Variants in PTPRQ observed in about 807,000 individuals in gnomAD.
PTPRQ encodes phosphatidylinositol phosphatase PTPRQ.
A neutral mutation model predicts 246.0 loss-of-function variants in PTPRQ; 199 were observed. The observed-to-expected ratio is 0.81, with a 90% CI of 0.72 to 0.91. The LOEUF (loss-of-function observed/expected upper bound fraction) is 0.91. PTPRQ is among the 40% of genes least tolerant of loss of function. The pLI, the probability that PTPRQ is intolerant of heterozygous loss-of-function variation, is 0.00. For missense variants in PTPRQ, 2,624 were observed against 2,528.4 expected, an observed-to-expected ratio of 1.04 and a Z score of -0.81; for synonymous variants, 869 against 853.2, an observed-to-expected ratio of 1.02 and a Z score of -0.32.
intron 17 of PTPRQ, among the ~76,000 whole-genome samples, chr12:80,526,539 T>C (rs1565765228): frequency 6.6e-6 from 1 of 152,064 alleles, no homozygotes; most frequent in Non-Finnish European, 1.5e-5. Context: ...TTCTGCTTGA[T>C]CAAAGGCCAA....
At chr12:80,672,573 G>A (rs140650732) in intron 42 of PTPRQ, among the ~76,000 whole-genome samples, 67 of 151,908 alleles carry the variant, frequency 4.4e-4, no homozygotes, top group African/African-American at 1.4e-3. Flanking sequence ...AGGAATTTCC[G>A]AATCAATCTT....
intron 33 of PTPRQ, among the ~76,000 whole-genome samples, chr12:80,625,489 T>TGTTTCCAC (rs770263177): frequency 4.1e-4 from 62 of 152,208 alleles, no homozygotes; most frequent in Non-Finnish European, 5.6e-4. Flanking sequence ...TGCACGACTC[T>TGTTTCCAC]GTTTCCACAG....
At chr12:80,666,939 C>T (rs952335604) in intron 39 of PTPRQ, among the ~76,000 whole-genome samples, 4 of 151,974 alleles carry the variant, frequency 2.6e-5, no homozygotes, top group African/African-American at 9.7e-5. Context: ...TATTCTCCCT[C>T]CTTTCACCTT....
intron 26 of PTPRQ, among the ~76,000 whole-genome samples, chr12:80,592,827 TG>T (rs1897845251): frequency 6.6e-6 from 1 of 152,070 alleles, no homozygotes; most frequent in Non-Finnish European, 1.5e-5. Flanking sequence ...CTTTCCAACA[TG>T]GTGAAACCCT....
chr12:80,678,753 G>T (rs930531967), intron 44 of PTPRQ, 28 bp downstream of exon 44: 15 of 1,526,446 alleles, frequency 9.8e-6, no homozygotes, highest in Non-Finnish European at 1.3e-5. Flanking sequence ...TATATGCCCA[G>T]CTTACTAGTT....
intron 38 of PTPRQ, among the ~76,000 whole-genome samples, chr12:80,655,255 A>G (rs1408072441): frequency 6.6e-6 from 1 of 152,196 alleles, no homozygotes; most frequent in South Asian, 2.1e-4. Flanking sequence ...CACTAACTAC[A>G]TTAGTGACTC....
At chr12:80,575,245 G>T (rs1397678040) in intron 25 of PTPRQ, among the ~76,000 whole-genome samples, 3 of 152,068 alleles carry the variant, frequency 2.0e-5, no homozygotes, top group Admixed American at 1.3e-4. Flanking sequence ...AGTTTACATT[G>T]CAATAATATA....
chr12:80,635,445 A>G lies in PTPRQ; in HGVS notation c.5915+372A>G, dbSNP rs187906571. Among the ~76,000 whole-genome samples the G allele has an allele frequency of 1.3e-3, 194 of 152,220 alleles. 1 individual carries two copies. Among genetic ancestry groups the G allele is most frequent in the African/African-American group, 4.3e-3 (177 of 41,558 alleles). ...TCAATCACAGGTTTAAATTAATTAA[A>G]TTTATAACTACTTGATATTATTTAT... On this transcript the variant is annotated intron_variant, in intron 35 of 44. Coordinates refer to ENST00000644991, the MANE Select transcript of PTPRQ (RefSeq NM_001145026.2).
rs77772547 is a variant in PTPRQ at position 80,607,882 on chromosome 12, G to A, written c.4732-2557G>A. Among the ~76,000 whole-genome samples, 1,128 of 150,806 alleles carry A rather than the reference G, an allele frequency of 7.5e-3. 32 individuals are homozygous for A. In the East Asian group the frequency reaches 0.09, roughly 12 times the overall value. ...ACAAATTGTTATGAGTAGCTTCTGTGCATCAAGACAAGGATGAAAAACATA... is the reference window on the plus strand; with the variant it reads ...ACAAATTGTTATGAGTAGCTTCTGTACATCAAGACAAGGATGAAAAACATA... On this transcript the variant is annotated intron_variant, in intron 27 of 44. Transcript: ENST00000644991.
chr12:80,493,460 G>A lies in PTPRQ; in HGVS notation c.1540+5G>A, dbSNP rs1395158687. ...AAGACCAGACTTCACCAGTTGGTAG[G>A]TAGAATTTTGATTTTCTATAAAGTT... On this transcript the variant is annotated splice_donor_5th_base_variant and intron_variant, in intron 10 of 44. Transcript: ENST00000644991. 2 of 1,545,444 alleles carry A rather than the reference G, an allele frequency of 1.3e-6. No individual in the cohort carries two copies. The highest frequency in any genetic ancestry group is 1.7e-6 in the Non-Finnish European group (2 of 1,143,916).
chr12:80,554,071 G>GA (rs1045922026), intron 25 of PTPRQ, among the ~76,000 whole-genome samples: 13 of 150,928 alleles, frequency 8.6e-5, no homozygotes, highest in Admixed American at 5.9e-4. Context: ...GAAAAGGTAG[G>GA]AGGGGCAGGG....
chr12:80,669,012 T>C lies in PTPRQ; in HGVS notation c.6198T>C (p.Tyr2066=). 1 of 1,549,300 alleles carries C rather than the reference T, an allele frequency of 6.5e-7. No homozygotes were observed. Among genetic ancestry groups the C allele is most frequent in the Non-Finnish European group, 8.7e-7 (1 of 1,145,508 alleles). The part of the protein sequence containing the change: ...DYINASYISG[Y]LCPNEFIATQ... Reference sequence around the variant, plus strand: ...TTGTAATTATATCCTTCTAGGGTTATTTATGTCCAAATGAATTTATTGCTA... The same window carrying C: ...TTGTAATTATATCCTTCTAGGGTTACTTATGTCCAAATGAATTTATTGCTA... The change falls in exon 40 of 45, where the codon TAT becomes TAC. Residue 2066 remains tyrosine (Y), a synonymous_variant. Coordinates refer to ENST00000644991, the MANE Select transcript of PTPRQ (RefSeq NM_001145026.2).
intron 17 of PTPRQ, among the ~76,000 whole-genome samples, chr12:80,522,497 G>A (rs1319111877): frequency 6.6e-6 from 1 of 152,010 alleles, no homozygotes; most frequent in Admixed American, 6.6e-5. Context: ...TTGGCTGTGG[G>A]TTTGTCATAG....
intron 33 of PTPRQ, among the ~76,000 whole-genome samples, chr12:80,626,510 T>G (rs1172214689): frequency 6.6e-6 from 1 of 152,336 alleles, no homozygotes; most frequent in East Asian, 1.9e-4. Flanking sequence ...TATAAACTCA[T>G]GCATCTTCAC....
chr12:80,676,034 C>T (rs1429708069), intron 43 of PTPRQ, among the ~76,000 whole-genome samples: 1 of 152,122 alleles, frequency 6.6e-6, no homozygotes, highest in African/African-American at 2.4e-5. Flanking sequence ...TCTCTCCTTG[C>T]TGAAAATCAG....
Position 80,549,560 on chromosome 12 carries a change from A to G in PTPRQ, c.4111A>G (p.Thr1371Ala), listed in dbSNP as rs771753929. 1.9e-5 allele frequency: 29 copies of G among 1,551,094 alleles called. No individual in the cohort carries two copies. The highest frequency in any genetic ancestry group is 2.4e-5 in the Non-Finnish European group (28 of 1,146,618). Reference sequence around the variant, plus strand: ...ACCCAAAAAGGCAAATGGAATAATAACGCAGTATATGGTAACAGTTGAAAG... The same window carrying G: ...ACCCAAAAAGGCAAATGGAATAATAGCGCAGTATATGGTAACAGTTGAAAG... ...DPPKKANGII[T>A]QYMVTVERNS... Residue 1371 changes from threonine to alanine, a missense_variant, in exon 25 of 45, where the codon ACG (threonine) becomes GCG (alanine). Physicochemically the swap from Thr to Ala is moderately conservative, Grantham distance 58. Transcript: ENST00000644991.
At chr12:80,599,469 C>T (rs61951077) in intron 26 of PTPRQ, among the ~76,000 whole-genome samples, 5,389 of 151,894 alleles carry the variant, frequency 0.035, 214 homozygotes, top group East Asian at 0.17. Flanking sequence ...AGTTACTAAG[C>T]TTTTAAACTG....
At chr12:80,581,097 G>C (rs1391914620) in intron 25 of PTPRQ, among the ~76,000 whole-genome samples, 2 of 152,172 alleles carry the variant, frequency 1.3e-5, no homozygotes, top group East Asian at 3.8e-4. Flanking sequence ...TGGGCATCTA[G>C]TCATCCCTCC....
At chr12:80,632,386 A>T in intron 34 of PTPRQ, 95 bp downstream of exon 34, 2 of 1,468,644 alleles carry the variant, frequency 1.4e-6, no homozygotes, top group Non-Finnish European at 1.8e-6. Context: ...AGTTACTTGA[A>T]TGGGAAACAT....
Sources: gnomAD v4.1 joint callset for allele counts (sites outside exome capture counted in the v4.1 genomes callset) on GRCh38, gnomAD v4.1.1 for gene constraint, MANE v1.5 for transcripts, NCBI Gene and HGNC (gene_info 2026-07-23, HGNC 2026-07-21) for gene names.